NELL2: variants seen among roughly 807,000 people sequenced by gnomAD.
NELL2 encodes the protein protein kinase C-binding protein NELL2.
A neutral mutation model predicts 109.6 loss-of-function variants in NELL2; 41 were observed. The observed-to-expected ratio is 0.37, with a 90% CI of 0.29 to 0.49. The LOEUF (loss-of-function observed/expected upper bound fraction) is 0.49. Among genes scored for constraint, NELL2 ranks in the 20% least tolerant of loss-of-function variants. NELL2 has a pLI of 0.98. For synonymous variants in NELL2, 355 were observed against 344.7 expected (o/e 1.03, Z -0.33); for missense variants, 900 against 1,008.3 (o/e 0.89, Z 1.45).
intron 12 of NELL2, among the ~76,000 whole-genome samples, chr12:44,696,911 T>C (rs1949077077): frequency 6.6e-6 from 1 of 152,214 alleles, no homozygotes; most frequent in South Asian, 2.1e-4. Context: ...ATACATATAT[T>C]GAATTCTGAA....
rs554182569 is a variant in NELL2 at position 44,744,857 on chromosome 12, T to C, written c.994+29890A>G. Among the ~76,000 whole-genome samples, 138 of 152,286 alleles carry C rather than the reference T, an allele frequency of 9.1e-4. 1 individual carries two copies. The highest frequency in any genetic ancestry group is 1.8e-3 in the Non-Finnish European group (121 of 68,016). On this transcript the variant is annotated intron_variant, in intron 9 of 19. Coordinates refer to ENST00000429094, the MANE Select transcript of NELL2 (RefSeq NM_001145108.2). ...GTCCAGGACCAGATGGATTCACAGCTGAATTCTACCAGAGATACAAAGAGG... is the reference window on the plus strand; with the variant it reads ...GTCCAGGACCAGATGGATTCACAGCCGAATTCTACCAGAGATACAAAGAGG...
chr12:44,583,049 C>T (rs543947600), intron 15 of NELL2, among the ~76,000 whole-genome samples: 5 of 152,156 alleles, frequency 3.3e-5, no homozygotes, highest in South Asian at 2.1e-4. Flanking sequence ...TCCCAGCTTC[C>T]GGAACGGTAA....
chr12:44,802,175 C>G (rs1432308703), intron 3 of NELL2, among the ~76,000 whole-genome samples: 1 of 152,050 alleles, frequency 6.6e-6, no homozygotes, highest in Non-Finnish European at 1.5e-5. Flanking sequence ...AAAACTCCTG[C>G]AACAGATCTT....
chr12:44,686,673 C>A (rs1359147514), intron 12 of NELL2, among the ~76,000 whole-genome samples: 1 of 151,380 alleles, frequency 6.6e-6, no homozygotes, highest in Admixed American at 6.6e-5. Context: ...AGTACCCGGC[C>A]GTGTGAGGTG....
At chr12:44,729,574 A>AC (rs1555206437) in intron 9 of NELL2, among the ~76,000 whole-genome samples, 1 of 148,568 alleles carries the variant, frequency 6.7e-6, no homozygotes, top group African/African-American at 2.5e-5. Context: ...TAAAAAAAAA[A>AC]AAAACCAAGA....
At chr12:44,686,453 G>A (rs557802222) in intron 12 of NELL2, among the ~76,000 whole-genome samples, 55 of 152,348 alleles carry the variant, frequency 3.6e-4, no homozygotes, top group East Asian at 3.9e-4. Context: ...TTCCGTTGCT[G>A]TTGAGGAACT....
intron 15 of NELL2, among the ~76,000 whole-genome samples, chr12:44,540,542 A>C (rs1405313393): frequency 6.6e-6 from 1 of 152,120 alleles, no homozygotes; most frequent in Non-Finnish European, 1.5e-5. Flanking sequence ...ACTGATGAAT[A>C]ATCAACCTAC....
At chr12:44,598,804 A>G (rs1257277993) in intron 15 of NELL2, among the ~76,000 whole-genome samples, 1 of 151,518 alleles carries the variant, frequency 6.6e-6, no homozygotes, top group Non-Finnish European at 1.5e-5. Context: ...ACTCCAGCAT[A>G]GGCAGAATCC....
chr12:44,694,282 A>G (rs1451702426), intron 12 of NELL2, among the ~76,000 whole-genome samples: 1 of 152,246 alleles, frequency 6.6e-6, no homozygotes, highest in East Asian at 1.9e-4. Context: ...GGGAAATTTC[A>G]TCTGCCTGAG....
chr12:44,748,562 A>T (rs996157073), intron 9 of NELL2, among the ~76,000 whole-genome samples: 1 of 152,214 alleles, frequency 6.6e-6, no homozygotes, highest in African/African-American at 2.4e-5. Context: ...CACTATCATG[A>T]TCACTATACC....
At chr12:44,878,959 A>C (rs1945381109), upstream of NELL2, among the ~76,000 whole-genome samples, 1 of 152,244 alleles carries the variant, frequency 6.6e-6, no homozygotes, top group Non-Finnish European at 1.5e-5. Flanking sequence ...AGATGGAATT[A>C]AGATTGTTAA....
In NELL2 at chr12:44,850,336, T is replaced by G. The variant is rs114810986; in HGVS notation, c.184+24889A>C. ...AAAAATGATTTAAGTAGAAAAGGAA[T>G]TATCTGTGTAAATGAGATAGTGTTA... is the stretch of plus-strand genomic sequence containing the variant. On this transcript the variant is annotated intron_variant, in intron 2 of 19. Transcript: ENST00000429094. 6.4e-3 allele frequency among the ~76,000 whole-genome samples: 971 copies of G among 152,232 alleles called. 12 individuals carry two copies. The highest frequency in any genetic ancestry group is 0.022 in the African/African-American group (923 of 41,554).
At chr12:44,837,162 C>T (rs954080564) in intron 2 of NELL2, among the ~76,000 whole-genome samples, 1 of 152,170 alleles carries the variant, frequency 6.6e-6, no homozygotes, top group Non-Finnish European at 1.5e-5. Flanking sequence ...TTCCTAAGTG[C>T]CTTTTTTGAA....
chr12:44,622,358 T>C (rs1163995003), intron 13 of NELL2, among the ~76,000 whole-genome samples: 1 of 152,110 alleles, frequency 6.6e-6, no homozygotes, highest in Non-Finnish European at 1.5e-5. Flanking sequence ...TTTCCATCCA[T>C]TGACATTTAT....
chr12:44,729,362 TAAGAA>T (rs1397383914), intron 9 of NELL2, among the ~76,000 whole-genome samples: 1 of 149,506 alleles, frequency 6.7e-6, no homozygotes, highest in African/African-American at 2.5e-5. Flanking sequence ...CAAAAGAAAA[TAAGAA>T]AAGAATCAAA....
intron 12 of NELL2, among the ~76,000 whole-genome samples, chr12:44,690,474 G>A (rs970384813): frequency 6.6e-6 from 1 of 151,826 alleles, no homozygotes; most frequent in African/African-American, 2.4e-5. Flanking sequence ...TTTTTAACAA[G>A]CTCCTAGATG....
At chr12:44,921,199 T>G (rs1945865673) in intron 1 of NELL2, among the ~76,000 whole-genome samples, 1 of 152,170 alleles carries the variant, frequency 6.6e-6, no homozygotes, top group African/African-American at 2.4e-5. Context: ...GTCTTCTCAT[T>G]GAAACCATGA....
chr12:44,691,123 C>A (rs375349701), intron 12 of NELL2, among the ~76,000 whole-genome samples: 1 of 152,102 alleles, frequency 6.6e-6, no homozygotes, highest in Non-Finnish European at 1.5e-5. Flanking sequence ...TGTTTTATTG[C>A]AGTTCACTTC....
At chr12:44,590,421 T>G (rs926356824) in intron 15 of NELL2, among the ~76,000 whole-genome samples, 2 of 152,154 alleles carry the variant, frequency 1.3e-5, no homozygotes, top group Non-Finnish European at 2.9e-5. Context: ...GGTTCATCCT[T>G]AAGAGATCTA....
Sources: allele counts gnomAD v4.1 joint callset (sites outside exome capture counted in the v4.1 genomes callset), GRCh38; gene constraint gnomAD v4.1.1; transcripts MANE v1.5; gene names NCBI Gene and HGNC (gene_info 2026-07-23, HGNC 2026-07-21).